The following CALCR variants were observed in gnomAD, a reference collection of about 807,000 sequenced individuals.
CALCR encodes calcitonin receptor.
CALCR carries 47 observed loss-of-function variants against 59.5 expected under a neutral mutation model. That is an observed-to-expected ratio of 0.79 (90% confidence interval 0.63 to 1.01). CALCR has a LOEUF of 1.01. Ranked by LOEUF, CALCR falls within the 50% of genes least tolerant of loss-of-function variation. The probability of loss-of-function intolerance (pLI) is 0.00; values close to 1 mark genes in which losing one functional copy is unlikely to be tolerated. For missense variants in CALCR, 566 were observed against 597.1 expected (o/e 0.95, Z 0.54); for synonymous variants, 213 against 211.3 (o/e 1.01, Z -0.07).
intron 7 of CALCR, among the ~76,000 whole-genome samples, chr7:93,462,352 A>G (rs1204982160): frequency 6.6e-6 from 1 of 152,154 alleles, no homozygotes; most frequent in African/African-American, 2.4e-5. Flanking sequence ...GGACTACTCT[A>G]TTCAGCAGTA....
rs113692420 is a variant in CALCR at position 93,472,511 on chromosome 7, T to C, written c.317-24A>G. ...TTCTGTTAATGAAACATAACAGTTATTGCATTAATATCTCAAAATCCCAAC... is the reference window on the plus strand; with the variant it reads ...TTCTGTTAATGAAACATAACAGTTACTGCATTAATATCTCAAAATCCCAAC... On this transcript the variant is annotated intron_variant, in intron 5 of 13. Transcript: ENST00000426151. 1.4e-4 allele frequency: 181 copies of C among 1,276,690 alleles called. 1 individual carries two copies. The highest frequency in any genetic ancestry group is 1.4e-3 in the South Asian group (113 of 81,772). The allele number at this position is 1,276,690 out of a possible 1,614,324, so 79.1% of individuals were successfully genotyped here.
At chr7:93,536,555 C>A (rs1788993359) in intron 2 of CALCR, among the ~76,000 whole-genome samples, 1 of 151,346 alleles carries the variant, frequency 6.6e-6, no homozygotes, top group South Asian at 2.1e-4. Flanking sequence ...TTAATTTTAT[C>A]ATTATTATAC....
At chr7:93,462,026 GA>G in intron 7 of CALCR, 1 of 1,202,434 alleles carries the variant, frequency 8.3e-7, no homozygotes, top group East Asian at 2.5e-5. Flanking sequence ...AAATTCTGGG[GA>G]AAGATGAAAT....
chr7:93,472,392 T>G lies in CALCR; in HGVS notation c.412A>C (p.Thr138Pro). ...WSNYTMCNAF[T>P]PEKLKNAYVL... is the part of the protein sequence containing the mutation. ...GAACCTACCTTCAGTTTCTCAGGAG[T>G]GAAAGCATTGCACATAGTATAGTTG... Residue 138 changes from threonine to proline, a missense_variant, in exon 6 of 14, where the codon ACT (threonine) becomes CCT (proline). Transcript: ENST00000426151. 3.1e-6 allele frequency: 5 copies of G among 1,601,398 alleles called. No homozygotes were observed. Among genetic ancestry groups the G allele is most frequent in the Non-Finnish European group, 4.3e-6 (5 of 1,170,604 alleles).
intron 8 of CALCR, among the ~76,000 whole-genome samples, chr7:93,452,561 T>G (rs982985115): frequency 6.6e-6 from 1 of 152,018 alleles, no homozygotes; most frequent in African/African-American, 2.4e-5. Context: ...GGATGCAACA[T>G]TTTCAATTAA....
intron 2 of CALCR, among the ~76,000 whole-genome samples, chr7:93,514,160 T>C (rs894395640): frequency 6.6e-6 from 1 of 152,112 alleles, no homozygotes; most frequent in East Asian, 1.9e-4. Context: ...TGTGCTGACA[T>C]AGGCTGAATA....
chr7:93,544,010 C>T (rs1432717552), intron 2 of CALCR, among the ~76,000 whole-genome samples: 3 of 151,296 alleles, frequency 2.0e-5, no homozygotes, highest in African/African-American at 4.9e-5. Context: ...AACATACAAA[C>T]AAAATAAAAA....
intron 2 of CALCR, among the ~76,000 whole-genome samples, chr7:93,524,501 C>A (rs1286898772): frequency 1.3e-5 from 2 of 151,952 alleles, no homozygotes; most frequent in Non-Finnish European, 2.9e-5. Context: ...TTCTGGTTTT[C>A]TTTTCCAAGT....
chr7:93,498,449 C>A (rs1410534227), intron 2 of CALCR, among the ~76,000 whole-genome samples: 3 of 151,594 alleles, frequency 2.0e-5, no homozygotes, highest in Non-Finnish European at 4.4e-5. Context: ...CTAATTAAAA[C>A]TAATTTAAGA....
intron 6 of CALCR, among the ~76,000 whole-genome samples, chr7:93,471,770 G>A (rs545426633): frequency 6.3e-4 from 95 of 151,764 alleles, no homozygotes; most frequent in African/African-American, 2.2e-3. Context: ...TTCCCCACTC[G>A]CCATTTGCTT....
intron 2 of CALCR, among the ~76,000 whole-genome samples, chr7:93,530,243 A>G (rs1453943099): frequency 2.6e-5 from 4 of 152,066 alleles, no homozygotes; most frequent in African/African-American, 9.7e-5. Flanking sequence ...GATTTTTTTG[A>G]TTTATAAATC....
At chr7:93,439,800 AAC>A in intron 9 of CALCR, among the ~76,000 whole-genome samples, 1 of 152,156 alleles carries the variant, frequency 6.6e-6, no homozygotes, top group Non-Finnish European at 1.5e-5. Flanking sequence ...ACAAGGGGAA[AAC>A]CAGCAAGGCA....
At chr7:93,533,447 C>T (rs983452797) in intron 2 of CALCR, among the ~76,000 whole-genome samples, 6 of 151,944 alleles carry the variant, frequency 3.9e-5, no homozygotes, top group African/African-American at 7.2e-5. Context: ...TTACAAATTA[C>T]GCTTCATACT....
chr7:93,460,591 A>ATATATG (rs1346977328), intron 8 of CALCR, among the ~76,000 whole-genome samples: 1 of 115,626 alleles, frequency 8.6e-6, no homozygotes, highest in African/African-American at 3.9e-5. Flanking sequence ...ATATATATAT[A>ATATATG]TGTATATATA....
At position 93,425,272 on chromosome 7, in the gene CALCR, G is replaced by A. The variant is rs569809869; in HGVS notation, c.*1084C>T. On this transcript the variant is annotated 3_prime_UTR_variant, in exon 14 of 14. Coordinates refer to ENST00000426151, the MANE Select transcript of CALCR (RefSeq NM_001742.4). Reference sequence around the variant, plus strand: ...GTTTTGGTAATAACAAGAAACAAGCGGTCAACCACAAGTTGATTTCTAATT... The same window carrying A: ...GTTTTGGTAATAACAAGAAACAAGCAGTCAACCACAAGTTGATTTCTAATT... 15 of 152,568 alleles carry A rather than the reference G, an allele frequency of 9.8e-5. No homozygotes were observed. Among genetic ancestry groups the A allele is most frequent in the Admixed American group, 5.2e-4 (8 of 15,272 alleles). 9.5% of individuals were successfully genotyped at this position (152,568 alleles called of 1,614,324 possible).
intron 2 of CALCR, among the ~76,000 whole-genome samples, chr7:93,513,956 CT>C (rs1801601988): frequency 6.6e-6 from 1 of 151,842 alleles, no homozygotes; most frequent in African/African-American, 2.4e-5. Flanking sequence ...GGGCCTGCTC[CT>C]TTTCTCATTC....
At chr7:93,428,470 T>C (rs1799578359) in intron 13 of CALCR, among the ~76,000 whole-genome samples, 1 of 152,224 alleles carries the variant, frequency 6.6e-6, no homozygotes, top group African/African-American at 2.4e-5. Flanking sequence ...AATATACAGG[T>C]TCAGCACATT....
chr7:93,477,062 G>A (rs551796030), intron 5 of CALCR, among the ~76,000 whole-genome samples: 47 of 151,876 alleles, frequency 3.1e-4, no homozygotes, highest in South Asian at 2.9e-3. Flanking sequence ...ATTGTTTCAG[G>A]GGTAGACTCA....
chr7:93,493,434 T>C (rs561352631), intron 2 of CALCR, among the ~76,000 whole-genome samples: 1 of 151,422 alleles, frequency 6.6e-6, no homozygotes, highest in Non-Finnish European at 1.5e-5. Flanking sequence ...TTCTAGTCTC[T>C]AGGACTCTCT....
Sources: allele counts gnomAD v4.1 joint callset (sites outside exome capture counted in the v4.1 genomes callset), GRCh38; gene constraint gnomAD v4.1.1; transcripts MANE v1.5; gene names NCBI Gene and HGNC (gene_info 2026-07-23, HGNC 2026-07-21).